ZBBX: variants seen among roughly 807,000 people sequenced by gnomAD.
ZBBX encodes zinc finger B-box domain containing.
A neutral mutation model predicts 108.5 loss-of-function variants in ZBBX; 101 were observed. The observed-to-expected ratio is 0.93, with a 90% CI of 0.79 to 1.10. The LOEUF is 1.10. ZBBX is among the 50% of genes least tolerant of loss of function. The pLI is 0.00. For synonymous variants in ZBBX, 356 were observed against 323.4 expected (o/e 1.10, Z -1.08); for missense variants, 1,009 against 941.4 (o/e 1.07, Z -0.94).
intron 6 of ZBBX, among the ~76,000 whole-genome samples, chr3:167,361,005 T>C (rs13088579): frequency 0.096 from 14,538 of 152,038 alleles, 699 homozygotes; most frequent in Admixed American, 0.12. Flanking sequence ...TATATCTCAT[T>C]ATGAAATTAT....
At chr3:167,188,703 A>G in the ZBBX span, among the ~76,000 whole-genome samples, 1 of 152,168 alleles carries the variant, frequency 6.6e-6, no homozygotes, top group African/African-American at 2.4e-5. Context: ...TTATCTACAT[A>G]ATAACTTTCC....
chr3:167,317,270 C>A (rs1463277562), intron 13 of ZBBX, among the ~76,000 whole-genome samples, 165 bp from the exon 14 acceptor site: 3 of 151,926 alleles, frequency 2.0e-5, no homozygotes, highest in African/African-American at 7.2e-5. Context: ...CATTTATTAG[C>A]ATTCAATTTT....
chr3:167,301,449 A>G (rs1191632413), intron 17 of ZBBX, among the ~76,000 whole-genome samples: 2 of 152,242 alleles, frequency 1.3e-5, no homozygotes, highest in Non-Finnish European at 1.5e-5. Context: ...GGCAGGAAAG[A>G]GTTTTCCCAG....
At chr3:167,254,193 A>T (rs886853030) in intron 20 of ZBBX, among the ~76,000 whole-genome samples, 5 of 152,096 alleles carry the variant, frequency 3.3e-5, no homozygotes, top group Middle Eastern at 3.2e-3. Flanking sequence ...ACACTGACAT[A>T]TTTTTTTGTA....
intron 20 of ZBBX, among the ~76,000 whole-genome samples, chr3:167,243,931 T>C (rs1163181542): frequency 2.6e-5 from 4 of 152,020 alleles, no homozygotes; most frequent in African/African-American, 9.7e-5. Context: ...GATGCATGGG[T>C]ACGTTCAATA....
chr3:167,215,759 C>T, the ZBBX span, among the ~76,000 whole-genome samples: 25 of 152,234 alleles, frequency 1.6e-4, no homozygotes, highest in South Asian at 1.0e-3. Context: ...AATCCAGCAG[C>T]GCATCACAAA....
chr3:167,269,689 A>T (rs1346067678), intron 20 of ZBBX, among the ~76,000 whole-genome samples: 1 of 152,210 alleles, frequency 6.6e-6, no homozygotes, highest in Non-Finnish European at 1.5e-5. Flanking sequence ...ATGTCTCTTT[A>T]TAACACCCCA....
the ZBBX span, among the ~76,000 whole-genome samples, chr3:167,197,310 G>A: frequency 0.013 from 2,014 of 152,236 alleles, 52 homozygotes; most frequent in African/African-American, 0.046. Context: ...AGGCTGAGGC[G>A]GGCAGATCAC....
At chr3:167,331,716 GA>G in intron 10 of ZBBX, 1 of 583,066 alleles carries the variant, frequency 1.7e-6, no homozygotes, top group Non-Finnish European at 2.2e-6. Flanking sequence ...GACGCACATA[GA>G]AATTCAATGC....
chr3:167,182,502 C>T, the ZBBX span, among the ~76,000 whole-genome samples: 3 of 152,336 alleles, frequency 2.0e-5, no homozygotes, highest in East Asian at 1.9e-4. Flanking sequence ...CCTCCTGAAG[C>T]GATTTTTTCC....
At chr3:167,194,742 C>T in the ZBBX span, among the ~76,000 whole-genome samples, 1 of 152,120 alleles carries the variant, frequency 6.6e-6, no homozygotes, top group Non-Finnish European at 1.5e-5. Context: ...GGCTTGGGCT[C>T]CTCAGAGCCA....
chr3:167,366,442 AAAG>A (rs201027524), intron 5 of ZBBX, among the ~76,000 whole-genome samples: 1,603 of 151,994 alleles, frequency 0.011, 10 homozygotes, highest in Middle Eastern at 0.017. Context: ...CAGAGATTAC[AAAG>A]AAGGCATACT....
the ZBBX span, among the ~76,000 whole-genome samples, chr3:167,212,050 G>A: frequency 6.6e-6 from 1 of 152,172 alleles, no homozygotes; most frequent in South Asian, 2.1e-4. Context: ...ACAAACCAGG[G>A]TATCCAGCCA....
At chr3:167,203,677 G>C in the ZBBX span, among the ~76,000 whole-genome samples, 1 of 152,070 alleles carries the variant, frequency 6.6e-6, no homozygotes, top group Non-Finnish European at 1.5e-5. Flanking sequence ...GTGAGCCAAA[G>C]AAATTCTACA....
At chr3:167,216,764 A>G in the ZBBX span, among the ~76,000 whole-genome samples, 2 of 152,168 alleles carry the variant, frequency 1.3e-5, no homozygotes, top group African/African-American at 4.8e-5. Context: ...GTACTGGTAC[A>G]GAAACAGGGA....
intron 16 of ZBBX, among the ~76,000 whole-genome samples, chr3:167,310,625 G>T (rs1403442754): frequency 2.6e-5 from 4 of 152,008 alleles, no homozygotes; most frequent in Non-Finnish European, 4.4e-5. Context: ...TAAATCATCA[G>T]AGCTCACGAG....
At chr3:167,254,236 G>T (rs1271506968) in intron 20 of ZBBX, among the ~76,000 whole-genome samples, 1 of 152,066 alleles carries the variant, frequency 6.6e-6, no homozygotes, top group African/African-American at 2.4e-5. Flanking sequence ...TCCTCTCACT[G>T]TTCAGAACAA....
chr3:167,276,794 A>G lies in ZBBX; in HGVS notation c.2254+5444T>C, dbSNP rs59955035. Among the ~76,000 whole-genome samples the G allele has an allele frequency of 7.9e-5, 12 of 152,278 alleles. No individual in the cohort carries two copies. In the East Asian group the frequency reaches 2.3e-3, roughly 29 times the overall value. On this transcript the variant is annotated intron_variant, in intron 20 of 21. Coordinates refer to ENST00000675490, the MANE Select transcript of ZBBX (RefSeq NM_001199201.2). Reference sequence around the variant, plus strand: ...AGCAACTCCAAGACACATAATTGTCAGATTCACCAAAGTTGAAATGAAGGA... The same window carrying G: ...AGCAACTCCAAGACACATAATTGTCGGATTCACCAAAGTTGAAATGAAGGA...
intron 20 of ZBBX, among the ~76,000 whole-genome samples, chr3:167,263,194 G>A (rs574709668): frequency 3.3e-5 from 5 of 151,780 alleles, no homozygotes; most frequent in South Asian, 4.2e-4. Flanking sequence ...GCACCACTGC[G>A]CCCAACTAAT....
Sources: allele counts gnomAD v4.1 joint callset (sites outside exome capture counted in the v4.1 genomes callset), GRCh38; gene constraint gnomAD v4.1.1; transcripts MANE v1.5; gene names NCBI Gene and HGNC (gene_info 2026-07-23, HGNC 2026-07-21).